N4BP2L2: variants seen among roughly 807,000 people sequenced by gnomAD.
N4BP2L2 encodes NEDD4-binding protein 2-like 2.
Under a neutral mutation model 56.2 loss-of-function variants are expected in N4BP2L2, and 50 were observed. The ratio of observed to expected loss-of-function variants is 0.89; its 90% CI spans 0.71 to 1.13. The LOEUF (loss-of-function observed/expected upper bound fraction) is 1.13. N4BP2L2 is among the 50% of genes most tolerant of loss of function. The pLI is 0.00. For missense variants in N4BP2L2, 689 were observed against 693.8 expected (o/e 0.99, Z 0.08); for synonymous variants, 203 against 223.6 (o/e 0.91, Z 0.82).
chr13:32,489,074 GAACA>G (rs950007361), intron 6 of N4BP2L2, among the ~76,000 whole-genome samples: 8 of 152,050 alleles, frequency 5.3e-5, no homozygotes, highest in African/African-American at 9.7e-5. Flanking sequence ...CTCTGTCTCA[GAACA>G]AACAAACAAA....
intron 7 of N4BP2L2, among the ~76,000 whole-genome samples, chr13:32,441,848 C>A (rs2138277331): frequency 6.7e-6 from 1 of 149,578 alleles, no homozygotes; most frequent in African/African-American, 2.4e-5. Context: ...TCAAGACCAT[C>A]CTGGCTAACA....
Position 32,519,316 on chromosome 13 carries a change from G to A in N4BP2L2, c.1551-1313C>T, listed in dbSNP as rs116551776. The stretch of plus-strand genomic sequence containing the variant: ...TGTAGTCCCAGTTACTCCCAAGGTG[G>A]GTAGATCGCTTGAGTCCAGGAGGAA... On this transcript the variant is annotated intron_variant, in intron 5 of 5. Transcript: ENST00000267068. 2.0e-3 allele frequency among the ~76,000 whole-genome samples: 297 copies of A among 151,940 alleles called. 1 individual carries two copies. The highest frequency in any genetic ancestry group is 0.01 in the South Asian group (49 of 4,800).
At chr13:32,511,160 G>A (rs893797130) in exon 6 of N4BP2L2, 1 of 152,138 alleles carries the variant, frequency 6.6e-6, no homozygotes, top group Non-Finnish European at 1.5e-5. Context: ...ATTAATGACT[G>A]TAACAATCAC....
chr13:32,483,546 A>C (rs2139187390), intron 6 of N4BP2L2, among the ~76,000 whole-genome samples: 1 of 152,360 alleles, frequency 6.6e-6, no homozygotes, highest in South Asian at 2.1e-4. Flanking sequence ...ACATCTTGGC[A>C]TCCAGACTAA....
downstream of N4BP2L2, chr13:32,508,560 T>A (rs1390650413): frequency 6.6e-6 from 1 of 152,150 alleles, no homozygotes; most frequent in African/African-American, 2.4e-5. Context: ...AAAATCATGC[T>A]AAGAATATTT....
At chr13:32,526,818 G>GTTTTTTTTTGTTTTT (rs2053010876) in intron 3 of N4BP2L2, 1 of 24,232 alleles carries the variant, frequency 4.1e-5, no homozygotes, top group Non-Finnish European at 7.9e-5. Context: ...CTTTTTGTCT[G>GTTTTTTTTTGTTTTT]TTTTTTTTTT....
chr13:32,529,937 G>C (rs1329852210), intron 2 of N4BP2L2, among the ~76,000 whole-genome samples: 1 of 152,008 alleles, frequency 6.6e-6, no homozygotes, highest in Non-Finnish European at 1.5e-5. Flanking sequence ...TGTTGGCCAG[G>C]CTAGTCTTGA....
At chr13:32,536,092 C>A (rs2056483210) in exon 2 of N4BP2L2, 1 of 1,613,894 alleles carries the variant, frequency 6.2e-7, no homozygotes. Context: ...CATTTTGTAT[C>A]TGAGAGTCAT....
intron 6 of N4BP2L2, chr13:32,446,527 G>A (rs750725855): frequency 6.2e-6 from 8 of 1,296,980 alleles, no homozygotes; most frequent in Admixed American, 4.6e-5. Flanking sequence ...TTGTTGTTGC[G>A]TTATTCATTC....
intron 6 of N4BP2L2, among the ~76,000 whole-genome samples, chr13:32,458,432 A>G (rs892923079): frequency 1.3e-5 from 2 of 152,218 alleles, no homozygotes; most frequent in African/African-American, 4.8e-5. Context: ...GTAGAAACAC[A>G]TACAGACTGA....
Position 32,517,892 on chromosome 13 carries a change from GC to G in N4BP2L2, c.1661del (p.Ser554ThrfsTer37). On this transcript the variant is annotated frameshift_variant, in exon 6 of 6. Coordinates refer to ENST00000267068, the Ensembl canonical transcript of N4BP2L2. LOFTEE classifies it high-confidence loss of function. ...CCTGTGGAGGAGGAGGTCTTTGTGT[GC>G]TTTTGTGTGATGGTTCCACTGAATT... is the stretch of plus-strand genomic sequence containing the variant. 6.2e-7 allele frequency: 1 copy of G among 1,614,088 alleles called. No homozygotes were observed. Among genetic ancestry groups the G allele is most frequent in the South Asian group, 1.1e-5 (1 of 91,082 alleles).
chr13:32,434,619 C>G (rs1170138956), intron 9 of N4BP2L2, among the ~76,000 whole-genome samples: 1 of 152,128 alleles, frequency 6.6e-6, no homozygotes, highest in African/African-American at 2.4e-5. Context: ...TGGCAACCAG[C>G]AGGGAGAATA....
chr13:32,532,177 A>G (rs1480083716), intron 2 of N4BP2L2, among the ~76,000 whole-genome samples: 1 of 152,250 alleles, frequency 6.6e-6, no homozygotes, highest in African/African-American at 2.4e-5. Flanking sequence ...GGATTAAAAC[A>G]TGAGTATCTT....
intron 2 of N4BP2L2, among the ~76,000 whole-genome samples, chr13:32,532,963 A>T (rs560638350): frequency 6.7e-6 from 1 of 150,366 alleles, no homozygotes; most frequent in East Asian, 2.0e-4. Flanking sequence ...GCCTCAAGTG[A>T]TGCTCCCCAC....
chr13:32,490,295 T>C (rs148134187), intron 6 of N4BP2L2, among the ~76,000 whole-genome samples: 1 of 152,198 alleles, frequency 6.6e-6, no homozygotes, highest in East Asian at 1.9e-4. Context: ...GCTACTGTTT[T>C]GTTTTTTTGT....
exon 6 of N4BP2L2, chr13:32,512,362 T>C (rs2048317575): frequency 6.6e-6 from 1 of 152,208 alleles, no homozygotes; most frequent in Non-Finnish European, 1.5e-5. Context: ...GTGTCTAGTT[T>C]TGAGATTAGG....
At chr13:32,526,363 C>T (rs1052869906) in intron 3 of N4BP2L2, among the ~76,000 whole-genome samples, 1 of 152,156 alleles carries the variant, frequency 6.6e-6, no homozygotes, top group East Asian at 1.9e-4. Context: ...CACTGGGTTA[C>T]ATGATCTGAA....
intron 6 of N4BP2L2, among the ~76,000 whole-genome samples, chr13:32,499,882 G>A (rs960185429): frequency 7.9e-5 from 12 of 151,898 alleles, no homozygotes; most frequent in Non-Finnish European, 1.3e-4. Context: ...ACTAAAACAA[G>A]CCTCACATAT....
At chr13:32,529,447 C>A (rs2054001400) in intron 2 of N4BP2L2, among the ~76,000 whole-genome samples, 1 of 152,108 alleles carries the variant, frequency 6.6e-6, no homozygotes, top group African/African-American at 2.4e-5. Flanking sequence ...CATGATTTAT[C>A]CAAAACATGT....
Sources: allele counts gnomAD v4.1 joint callset (sites outside exome capture counted in the v4.1 genomes callset), GRCh38; gene constraint gnomAD v4.1.1; transcripts MANE v1.5; gene names NCBI Gene and HGNC (gene_info 2026-07-23, HGNC 2026-07-21).